LRRC7: variants seen among roughly 807,000 people sequenced by gnomAD.
LRRC7 encodes the protein leucine rich repeat containing 7, also known as leucine-rich repeat-containing protein 7.
A neutral mutation model predicts 175.7 loss-of-function variants in LRRC7; 23 were observed. That is an observed-to-expected ratio of 0.13 (90% confidence interval 0.09 to 0.19). LRRC7 has a LOEUF of 0.19. Among genes scored for constraint, LRRC7 ranks in the 10% least tolerant of loss-of-function variants. The pLI, the probability that LRRC7 is intolerant of heterozygous loss-of-function variation, is 1.00. For missense variants in LRRC7, 1,354 were observed against 1,904.7 expected (o/e 0.71, Z 5.38); for synonymous variants, 685 against 680.9 (o/e 1.01, Z -0.09).
intron 4 of LRRC7, among the ~76,000 whole-genome samples, chr1:69,805,676 T>A (rs916419696): frequency 2.6e-5 from 4 of 151,922 alleles, no homozygotes; most frequent in African/African-American, 9.7e-5. Flanking sequence ...ATTGACTCCT[T>A]CTGTTTCCAT....
At chr1:69,859,097 A>G (rs1225646686) in intron 7 of LRRC7, among the ~76,000 whole-genome samples, 3 of 152,130 alleles carry the variant, frequency 2.0e-5, no homozygotes, top group Non-Finnish European at 4.4e-5. Context: ...ATAAACAGAA[A>G]TAAATTCCCC....
intron 3 of LRRC7, among the ~76,000 whole-genome samples, chr1:69,764,730 C>T (rs376464645): frequency 1.3e-4 from 18 of 140,408 alleles, no homozygotes; most frequent in Admixed American, 2.9e-4. Context: ...GATAGATAGA[C>T]AGATAGATAG....
intron 24 of LRRC7, 120 bp downstream of exon 24, chr1:70,076,418 G>A (rs1662782178): frequency 1.3e-6 from 1 of 790,484 alleles, no homozygotes. Context: ...GTTGAATGGG[G>A]TAGGGCCCTC....
In LRRC7 at chr1:69,880,106, G is replaced by T. The variant is rs986418298; in HGVS notation, c.647+41823G>T. Among the ~76,000 whole-genome samples, 7 of 152,142 alleles carry T rather than the reference G, an allele frequency of 4.6e-5. No individual in the cohort carries two copies. In the East Asian group the frequency reaches 1.3e-3, roughly 29 times the overall value. On this transcript the variant is annotated intron_variant, in intron 7 of 26. Transcript: ENST00000651989. ...AGACACTGGAGAAATGTTTGCATACGCTGGGTAGGGGAGAAAAAGAGGCAA... is the reference window on the plus strand; with the variant it reads ...AGACACTGGAGAAATGTTTGCATACTCTGGGTAGGGGAGAAAAAGAGGCAA...
intron 11 of LRRC7, among the ~76,000 whole-genome samples, chr1:69,996,975 T>C (rs1423039285): frequency 6.6e-6 from 1 of 152,256 alleles, no homozygotes; most frequent in Non-Finnish European, 1.5e-5. Context: ...ATTGAATCTG[T>C]AAATTACCTT....
intron 1 of LRRC7, among the ~76,000 whole-genome samples, chr1:69,624,537 T>C (rs911970370): frequency 6.6e-6 from 1 of 152,074 alleles, no homozygotes; most frequent in African/African-American, 2.4e-5. Flanking sequence ...TTAATCTTTT[T>C]TCAGTGGGGT....
intron 8 of LRRC7, among the ~76,000 whole-genome samples, chr1:69,935,885 C>T (rs1647961121): frequency 6.6e-6 from 1 of 152,056 alleles, no homozygotes; most frequent in Non-Finnish European, 1.5e-5. Context: ...AGAAGTCCTT[C>T]CCTCCTCAAA....
chr1:70,128,093 C>G lies in LRRC7; in HGVS notation c.*6206C>G, dbSNP rs1224287764. On this transcript the variant is annotated 3_prime_UTR_variant, in exon 27 of 27. Transcript: ENST00000651989. ...TCTCATGTCTCAGCCTCCTGAGTAG[C>G]TGGGATTACAGGTGCGTGCCACCAC... 6.6e-6 allele frequency among the ~76,000 whole-genome samples: 1 copy of G among 152,106 alleles called. No homozygotes were observed. Among genetic ancestry groups the G allele is most frequent in the African/African-American group, 2.4e-5 (1 of 41,394 alleles).
intron 7 of LRRC7, among the ~76,000 whole-genome samples, chr1:69,846,814 G>T (rs560545422): frequency 6.6e-6 from 1 of 151,966 alleles, no homozygotes; most frequent in South Asian, 2.1e-4. Context: ...GAAAATCTGG[G>T]TGTGTGCAAG....
chr1:69,708,845 A>G (rs1664385110), intron 2 of LRRC7, among the ~76,000 whole-genome samples: 1 of 152,182 alleles, frequency 6.6e-6, no homozygotes, highest in South Asian at 2.1e-4. Context: ...ATGTGAGCAG[A>G]AACACACAAG....
intron 3 of LRRC7, among the ~76,000 whole-genome samples, chr1:69,763,989 C>A (rs925276545): frequency 6.6e-6 from 1 of 151,690 alleles, no homozygotes; most frequent in South Asian, 2.1e-4. Flanking sequence ...TTATGTAATA[C>A]AATGGGTAGA....
intron 7 of LRRC7, among the ~76,000 whole-genome samples, chr1:69,840,862 A>T (rs977161385): frequency 1.3e-5 from 2 of 152,098 alleles, no homozygotes; most frequent in South Asian, 4.1e-4. Context: ...AGATTATGTG[A>T]TACAGTTTTT....
intron 2 of LRRC7, among the ~76,000 whole-genome samples, chr1:69,752,884 C>T (rs898968441): frequency 6.6e-6 from 1 of 152,056 alleles, no homozygotes; most frequent in Non-Finnish European, 1.5e-5. Flanking sequence ...AGATGAATAC[C>T]TGTTTTCTTC....
intron 7 of LRRC7, among the ~76,000 whole-genome samples, chr1:69,905,866 T>C (rs1454118359): frequency 3.9e-5 from 6 of 152,208 alleles, no homozygotes; most frequent in Non-Finnish European, 5.9e-5. Context: ...TAGTTTACAG[T>C]CCCACCAACA....
intron 1 of LRRC7, among the ~76,000 whole-genome samples, chr1:69,650,539 C>CAAAAAAAAA (rs574357981): frequency 1.6e-4 from 13 of 79,198 alleles, no homozygotes; most frequent in East Asian, 1.1e-3. Context: ...GACTCCGTCT[C>CAAAAAAAAA]AAAAAAAAAA....
intron 18 of LRRC7, 86 bp downstream of exon 18, chr1:70,028,457 G>A (rs1176906343): frequency 8.7e-7 from 1 of 1,151,442 alleles, no homozygotes; most frequent in Non-Finnish European, 1.2e-6. Flanking sequence ...GATCTTCCTT[G>A]ATAAGTGCAT....
chr1:70,039,491 C>G lies in LRRC7; in HGVS notation c.3667C>G (p.Gln1223Glu). The G allele has an allele frequency of 6.2e-7, 1 of 1,614,116 alleles. No individual in the cohort carries two copies. The highest frequency in any genetic ancestry group is 8.5e-7 in the Non-Finnish European group (1 of 1,180,012). ...CCCTTCATATCAAGAAGTGAAAGCTCAGGCGGGAAGTTTTCCGGTTAAAAA... is the reference window on the plus strand; with the variant it reads ...CCCTTCATATCAAGAAGTGAAAGCTGAGGCGGGAAGTTTTCCGGTTAAAAA... Reference protein sequence around the residue: ...EHPSYQEVKAQAGSFPVKNLT... With the variant: ...EHPSYQEVKAEAGSFPVKNLT... Residue 1223 changes from glutamine to glutamate, a missense_variant, in exon 21 of 27, where the codon CAG (glutamine) becomes GAG (glutamate). Gln to Glu is a conservative substitution (Grantham distance 29). Coordinates refer to ENST00000651989, the MANE Select transcript of LRRC7 (RefSeq NM_001370785.2).
intron 2 of LRRC7, among the ~76,000 whole-genome samples, chr1:69,683,249 C>T (rs971009610): frequency 1.9e-4 from 29 of 152,228 alleles, no homozygotes; most frequent in African/African-American, 5.5e-4. Context: ...ATTTCAAGGC[C>T]TCTCAACTTG....
At chr1:70,036,991 T>A (rs2102020433) in intron 20 of LRRC7, among the ~76,000 whole-genome samples, 1 of 152,344 alleles carries the variant, frequency 6.6e-6, no homozygotes, top group East Asian at 1.9e-4. Context: ...AGGTGTCTGG[T>A]CCAGAGTAAG....
Sources: gnomAD v4.1 joint callset for allele counts (sites outside exome capture counted in the v4.1 genomes callset) on GRCh38, gnomAD v4.1.1 for gene constraint, MANE v1.5 for transcripts, NCBI Gene and HGNC (gene_info 2026-07-23, HGNC 2026-07-21) for gene names.